LDB2: variants seen among roughly 807,000 people sequenced by gnomAD.
The protein encoded by LDB2 is LIM domain binding 2.
LDB2 carries 12 observed loss-of-function variants against 44.3 expected under a neutral mutation model. That is an observed-to-expected ratio of 0.27 (90% CI 0.17 to 0.44). The LOEUF is 0.44. Ranked by LOEUF, LDB2 falls within the 20% of genes least tolerant of loss-of-function variation. LDB2 has a pLI of 1.00. For synonymous variants in LDB2, 164 were observed against 174.8 expected (o/e 0.94, Z 0.49); for missense variants, 344 against 473.5 (o/e 0.73, Z 2.54).
At chr4:16,763,782 CTA>C (rs1359459798) in intron 1 of LDB2, among the ~76,000 whole-genome samples, 3 of 152,126 alleles carry the variant, frequency 2.0e-5, no homozygotes, top group Non-Finnish European at 4.4e-5. Flanking sequence ...TCCTTAACTT[CTA>C]TGTTATACTG....
intron 2 of LDB2, among the ~76,000 whole-genome samples, chr4:16,751,636 G>A (rs1175658506): frequency 6.6e-6 from 1 of 152,136 alleles, no homozygotes; most frequent in African/African-American, 2.4e-5. Context: ...AGCAACTTAG[G>A]CAATTATGCT....
intron 5 of LDB2, among the ~76,000 whole-genome samples, chr4:16,519,580 G>GA (rs1175907479): frequency 6.6e-6 from 1 of 150,460 alleles, no homozygotes; most frequent in Non-Finnish European, 1.5e-5. Flanking sequence ...GGCAAACTTG[G>GA]GGGTTTGAAC....
intron 1 of LDB2, among the ~76,000 whole-genome samples, chr4:16,810,046 T>C (rs1477553294): frequency 2.6e-5 from 4 of 152,240 alleles, no homozygotes; most frequent in Non-Finnish European, 5.9e-5. Context: ...AGTGGAATGC[T>C]TCCAAATGGC....
chr4:16,827,717 G>C (rs530581625), intron 1 of LDB2, among the ~76,000 whole-genome samples: 15 of 152,242 alleles, frequency 9.9e-5, no homozygotes, highest in African/African-American at 3.4e-4. Context: ...ACATGATCTT[G>C]CTTTTCTTAT....
intron 1 of LDB2, among the ~76,000 whole-genome samples, chr4:16,790,041 C>T (rs1004920716): frequency 5.3e-5 from 8 of 152,220 alleles, no homozygotes; most frequent in Non-Finnish European, 1.0e-4. Context: ...CAAGGACACA[C>T]AGTAGGTGAC....
intron 3 of LDB2, 53 bp downstream of exon 3, chr4:16,595,650 T>G: frequency 6.5e-7 from 1 of 1,527,274 alleles, no homozygotes; most frequent in South Asian, 1.2e-5. Context: ...TTATTATTCT[T>G]TAATGCTCTC....
Position 16,691,927 on chromosome 4 carries a change from T to A in LDB2, c.235+67231A>T, listed in dbSNP as rs146822070. Among the ~76,000 whole-genome samples the A allele has an allele frequency of 2.6e-5, 4 of 152,310 alleles. No individual in the cohort carries two copies. The East Asian group carries it at 7.7e-4, about 29-fold the overall frequency. ...TCCTGTCCTGAATTTTATTTACATC[T>A]TTTCTCTGCAGGCTAATTACTGATG... On this transcript the variant is annotated intron_variant, in intron 2 of 7. Transcript: ENST00000304523.
chr4:16,857,547 G>C (rs1478735875), intron 1 of LDB2, among the ~76,000 whole-genome samples: 1 of 152,138 alleles, frequency 6.6e-6, no homozygotes, highest in South Asian at 2.1e-4. Context: ...TCAAAGCCTG[G>C]CTTCCTTTAA....
At chr4:16,878,895 G>C (rs535806684) in intron 1 of LDB2, among the ~76,000 whole-genome samples, 186 of 152,298 alleles carry the variant, frequency 1.2e-3, no homozygotes, top group Admixed American at 2.0e-3. Context: ...CACCAATATA[G>C]GTCAGCTTTC....
At chr4:16,839,879 T>C (rs1785543084) in intron 1 of LDB2, among the ~76,000 whole-genome samples, 1 of 152,180 alleles carries the variant, frequency 6.6e-6, no homozygotes, top group Non-Finnish European at 1.5e-5. Context: ...CAAGTCTTTA[T>C]AAACAGGTCT....
At chr4:16,793,431 T>C (rs930001423) in intron 1 of LDB2, among the ~76,000 whole-genome samples, 4 of 152,180 alleles carry the variant, frequency 2.6e-5, no homozygotes, top group East Asian at 1.9e-4. Flanking sequence ...GAGGGTTCCA[T>C]AGGTGGAATT....
chr4:16,876,450 G>A (rs1445740056), intron 1 of LDB2, among the ~76,000 whole-genome samples: 1 of 152,156 alleles, frequency 6.6e-6, no homozygotes, highest in Non-Finnish European at 1.5e-5. Context: ...TCACCCTAAT[G>A]TATTCATATT....
intron 6 of LDB2, 131 bp from the exon 7 acceptor site, chr4:16,508,817 A>G (rs1287373229): frequency 1.1e-5 from 9 of 848,520 alleles, no homozygotes; most frequent in Non-Finnish European, 1.2e-5. Flanking sequence ...TCCATTTCTT[A>G]TAGCTTTAGA....
At chr4:16,696,537 G>A (rs901849582) in intron 2 of LDB2, among the ~76,000 whole-genome samples, 2 of 152,138 alleles carry the variant, frequency 1.3e-5, no homozygotes, top group South Asian at 2.1e-4. Flanking sequence ...AGGAAGCAGA[G>A]CTATGATTTC....
At chr4:16,610,661 G>C (rs907437013) in intron 2 of LDB2, among the ~76,000 whole-genome samples, 21 of 135,974 alleles carry the variant, frequency 1.5e-4, no homozygotes, top group African/African-American at 5.6e-4. Flanking sequence ...CAAGAATAGC[G>C]AAAAAAAAAA....
rs183430862 is a variant in LDB2, at chr4:16,688,037, A to G, written c.235+71121T>C. Among the ~76,000 whole-genome samples the G allele has an allele frequency of 1.8e-4, 28 of 152,304 alleles. 1 individual carries two copies. In the East Asian group the frequency reaches 5.2e-3, roughly 28 times the overall value. On this transcript the variant is annotated intron_variant, in intron 2 of 7. Coordinates refer to ENST00000304523, the MANE Select transcript of LDB2 (RefSeq NM_001290.5). Reference sequence around the variant, plus strand: ...TGAACGTTAGCTTCTGAACCACATTATGAGTCAGATAAAGAAAATAAGATA... The same window carrying G: ...TGAACGTTAGCTTCTGAACCACATTGTGAGTCAGATAAAGAAAATAAGATA...
intron 2 of LDB2, among the ~76,000 whole-genome samples, chr4:16,736,961 A>G (rs1762026256): frequency 6.6e-6 from 1 of 152,194 alleles, no homozygotes; most frequent in African/African-American, 2.4e-5. Flanking sequence ...CTATTCATAA[A>G]TTTATGCCTG....
intron 1 of LDB2, among the ~76,000 whole-genome samples, chr4:16,809,161 A>G (rs1779314371): frequency 6.6e-6 from 1 of 152,170 alleles, no homozygotes; most frequent in Non-Finnish European, 1.5e-5. Context: ...CTGAATCATT[A>G]TGTAGAGGAA....
intron 2 of LDB2, among the ~76,000 whole-genome samples, chr4:16,636,819 C>T (rs1733737893): frequency 6.6e-6 from 1 of 152,130 alleles, no homozygotes; most frequent in Admixed American, 6.5e-5. Flanking sequence ...AGCTGGGTGT[C>T]AAAGCAGTTC....
Sources: allele counts gnomAD v4.1 joint callset (sites outside exome capture counted in the v4.1 genomes callset), GRCh38; gene constraint gnomAD v4.1.1; transcripts MANE v1.5; gene names NCBI Gene and HGNC (gene_info 2026-07-23, HGNC 2026-07-21).